Variants in SVOPL observed in about 807,000 individuals in gnomAD.
The protein encoded by SVOPL is SVOP like.
SVOPL carries 60 observed loss-of-function variants against 61.0 expected under a neutral mutation model. The ratio of observed to expected loss-of-function variants is 0.98; its 90% CI spans 0.80 to 1.22. SVOPL has a LOEUF of 1.22. SVOPL is among the 50% of genes most tolerant of loss of function. SVOPL has a pLI of 0.00. For synonymous variants in SVOPL, 279 were observed against 250.0 expected, an observed-to-expected ratio of 1.12 and a Z score of -1.09; for missense variants, 662 against 643.9, an observed-to-expected ratio of 1.03 and a Z score of -0.30.
intron 14 of SVOPL, among the ~76,000 whole-genome samples, chr7:138,607,497 G>A (rs969506700): frequency 1.3e-5 from 2 of 152,160 alleles, no homozygotes; most frequent in Non-Finnish European, 2.9e-5. Context: ...GGATGCCGGA[G>A]GGAGAGCACG....
At chr7:138,632,636 G>A (rs573715737) in intron 9 of SVOPL, among the ~76,000 whole-genome samples, 1 of 151,904 alleles carries the variant, frequency 6.6e-6, no homozygotes, top group South Asian at 2.1e-4. Context: ...GAAGTAGGAT[G>A]TGGAGGGAGG....
chr7:138,619,187 G>T (rs1799437402), intron 14 of SVOPL, among the ~76,000 whole-genome samples: 1 of 152,114 alleles, frequency 6.6e-6, no homozygotes, highest in Non-Finnish European at 1.5e-5. Context: ...GCAGGAGGAT[G>T]GCCTAAACCC....
At chr7:138,631,065 T>G (rs1484352529) in intron 9 of SVOPL, among the ~76,000 whole-genome samples, 1 of 152,148 alleles carries the variant, frequency 6.6e-6, no homozygotes, top group African/African-American at 2.4e-5. Flanking sequence ...AACAGCTCTT[T>G]TCTCAGAAAT....
intron 8 of SVOPL, 125 bp from the exon 9 acceptor site, chr7:138,644,970 A>G: frequency 7.9e-7 from 1 of 1,261,912 alleles, no homozygotes; most frequent in Non-Finnish European, 1.1e-6. Flanking sequence ...ACCAGCTTAA[A>G]GGCATGCAAT....
chr7:138,695,522 A>G (rs1433322588), intron 1 of SVOPL, among the ~76,000 whole-genome samples: 1 of 152,188 alleles, frequency 6.6e-6, no homozygotes, highest in African/African-American at 2.4e-5. Flanking sequence ...AAAAGAAAAA[A>G]GGCAAATATT....
intron 14 of SVOPL, among the ~76,000 whole-genome samples, chr7:138,602,265 T>A (rs1323695793): frequency 6.6e-6 from 1 of 152,028 alleles, no homozygotes; most frequent in Non-Finnish European, 1.5e-5. Context: ...TAATGTTCAG[T>A]TTCCCATTGC....
At chr7:138,602,441 C>CTATATATATATATATATA (rs59400217) in intron 14 of SVOPL, among the ~76,000 whole-genome samples, 52 of 140,690 alleles carry the variant, frequency 3.7e-4, no homozygotes, top group African/African-American at 7.8e-4. Flanking sequence ...AAGGCAGTTG[C>CTATATATATATATATATA]TATATATATA....
chr7:138,611,050 C>T (rs189360792), intron 14 of SVOPL, among the ~76,000 whole-genome samples: 3 of 152,276 alleles, frequency 2.0e-5, no homozygotes, highest in Admixed American at 6.5e-5. Flanking sequence ...TTCAGTTCAC[C>T]GTGGACTCTT....
At chr7:138,682,223 A>G (rs997406891) in intron 1 of SVOPL, among the ~76,000 whole-genome samples, 20 of 152,286 alleles carry the variant, frequency 1.3e-4, no homozygotes, top group Middle Eastern at 6.8e-3. Flanking sequence ...GTAAACTATG[A>G]GGTGAAAGGC....
intron 4 of SVOPL, among the ~76,000 whole-genome samples, chr7:138,667,309 T>C (rs1403764685): frequency 1.3e-5 from 2 of 152,164 alleles, no homozygotes; most frequent in African/African-American, 2.4e-5. Flanking sequence ...TTGAAACCCT[T>C]CAAGATGCAT....
intron 14 of SVOPL, among the ~76,000 whole-genome samples, chr7:138,608,032 T>C (rs926031231): frequency 3.3e-5 from 5 of 152,098 alleles, no homozygotes; most frequent in Non-Finnish European, 7.4e-5. Context: ...CAAAATGCCA[T>C]AAGATGCCTA....
chr7:138,605,640 C>CAAAAAAAAAAAAAAA (rs1159063438), intron 14 of SVOPL, among the ~76,000 whole-genome samples: 1 of 84,288 alleles, frequency 1.2e-5, no homozygotes. Flanking sequence ...CTAACCTGGG[C>CAAAAAAAAAAAAAAA]AAAAAAAAAA....
At chr7:138,673,226 G>A (rs1214380496) in intron 3 of SVOPL, among the ~76,000 whole-genome samples, 1 of 152,218 alleles carries the variant, frequency 6.6e-6, no homozygotes, top group African/African-American at 2.4e-5. Context: ...AATGATGTCA[G>A]CCAGCGTGTG....
At chr7:138,673,384 A>C (rs73730424) in intron 3 of SVOPL, among the ~76,000 whole-genome samples, 3,199 of 152,316 alleles carry the variant, frequency 0.021, 113 homozygotes, top group African/African-American at 0.073. Flanking sequence ...GAGGCTGACC[A>C]GGTGACTAAT....
chr7:138,654,003 C>T (rs1484580921), intron 7 of SVOPL, among the ~76,000 whole-genome samples: 1 of 150,962 alleles, frequency 6.6e-6, no homozygotes, highest in Non-Finnish European at 1.5e-5. Flanking sequence ...TGTGGTGGTG[C>T]ACTCCTGTAA....
At chr7:138,627,644 C>T (rs1659810) in intron 11 of SVOPL, among the ~76,000 whole-genome samples, 183 bp from the exon 12 acceptor site, 8,555 of 152,180 alleles carry the variant, frequency 0.056, 373 homozygotes, top group East Asian at 0.26. Context: ...TATACTTTAC[C>T]CACGTGGGTC....
intron 5 of SVOPL, chr7:138,662,547 C>A (rs1223976965): frequency 1.0e-6 from 1 of 985,654 alleles, no homozygotes; most frequent in East Asian, 1.1e-4. Context: ...TAAATGAAAA[C>A]CAGAGGAAAA....
chr7:138,674,824 C>T (rs1802518268), intron 3 of SVOPL, among the ~76,000 whole-genome samples: 1 of 150,716 alleles, frequency 6.6e-6, no homozygotes, highest in Non-Finnish European at 1.5e-5. Flanking sequence ...CCACTGCACT[C>T]CAGCCTGGGC....
intron 4 of SVOPL, among the ~76,000 whole-genome samples, chr7:138,671,027 G>A (rs2117107587): frequency 6.6e-6 from 1 of 152,298 alleles, no homozygotes; most frequent in South Asian, 2.1e-4. Context: ...CTATTATGTT[G>A]ATTTTGGTTA....
Sources: allele counts gnomAD v4.1 joint callset (sites outside exome capture counted in the v4.1 genomes callset), GRCh38; gene constraint gnomAD v4.1.1; transcripts MANE v1.5; gene names NCBI Gene and HGNC (gene_info 2026-07-23, HGNC 2026-07-21).